Variants in NOS1AP observed in about 807,000 individuals in gnomAD.
NOS1AP encodes the protein carboxyl-terminal PDZ ligand of neuronal nitric oxide synthase protein.
A neutral mutation model predicts 56.2 loss-of-function variants in NOS1AP; 21 were observed. The observed-to-expected ratio is 0.37, with a 90% CI of 0.26 to 0.54. The LOEUF is 0.54. Ranked by LOEUF, NOS1AP falls within the 20% of genes least tolerant of loss-of-function variation. The probability of loss-of-function intolerance (pLI) is 0.84; values close to 1 mark genes in which losing one functional copy is unlikely to be tolerated. For synonymous variants in NOS1AP, 270 were observed against 274.6 expected (o/e 0.98, Z 0.17); for missense variants, 522 against 657.8 (o/e 0.79, Z 2.26).
At chr1:162,160,495 C>G (rs531460231) in intron 2 of NOS1AP, among the ~76,000 whole-genome samples, 1 of 152,190 alleles carries the variant, frequency 6.6e-6, no homozygotes, top group African/African-American at 2.4e-5. Flanking sequence ...ATGGAGGCAG[C>G]GACTGGAGTT....
At chr1:162,245,969 G>A (rs540908505) in intron 2 of NOS1AP, among the ~76,000 whole-genome samples, 29 of 152,276 alleles carry the variant, frequency 1.9e-4, no homozygotes, top group Non-Finnish European at 3.4e-4. Context: ...TAATACCAAC[G>A]TTAACACATT....
rs890793792 is a variant in NOS1AP at position 162,370,326 on chromosome 1, C to T, written c.*2859C>T. The stretch of plus-strand genomic sequence containing the variant: ...TGACTGCTTCCTCCTAACCCTCTAC[C>T]CACTAGCACTCTACTTCCTAAAGCT... On this transcript the variant is annotated 3_prime_UTR_variant, in exon 10 of 10. Transcript: ENST00000361897. 9.2e-5 allele frequency: 14 copies of T among 152,178 alleles called. No homozygotes were observed. The highest frequency in any genetic ancestry group is 3.4e-4 in the African/African-American group (14 of 41,418). 9.4% of individuals were successfully genotyped at this position (152,178 alleles called of 1,614,324 possible). A position where few individuals can be genotyped will look rare whatever the true frequency, so the allele number is the denominator to read the frequency against.
At chr1:162,345,629 C>T (rs1436040508) in intron 6 of NOS1AP, among the ~76,000 whole-genome samples, 1 of 152,124 alleles carries the variant, frequency 6.6e-6, no homozygotes, top group Non-Finnish European at 1.5e-5. Flanking sequence ...AAAAGAAATG[C>T]TAGTCTGCAA....
intron 1 of NOS1AP, 24 bp from the exon 2 acceptor site, chr1:162,154,381 T>G: frequency 2.5e-6 from 4 of 1,611,908 alleles, no homozygotes; most frequent in Non-Finnish European, 3.4e-6. Flanking sequence ...CTCCTCTCAA[T>G]GAGTGTTTGC....
chr1:162,282,681 A>G (rs1557862231), intron 2 of NOS1AP, among the ~76,000 whole-genome samples: 1 of 152,242 alleles, frequency 6.6e-6, no homozygotes, highest in Non-Finnish European at 1.5e-5. Flanking sequence ...GAGACTATAG[A>G]CAGAATATGA....
rs764354269 is a variant in NOS1AP at position 162,221,532 on chromosome 1, G to GCACACACA, written c.178-65811_178-65810insACACACAC. Among the ~76,000 whole-genome samples, 20 of 132,816 alleles carry GCACACACA rather than the reference G, an allele frequency of 1.5e-4. 1 individual carries two copies. The highest frequency in any genetic ancestry group is 6.5e-4 in the African/African-American group (20 of 30,550). 87.1% of individuals were successfully genotyped at this position (132,816 alleles called of 152,430 possible). On this transcript the variant is annotated intron_variant, in intron 2 of 9. Coordinates refer to ENST00000361897, the MANE Select transcript of NOS1AP (RefSeq NM_014697.3). ...GCAACACACACACGCACACACACGC[G>GCACACACA]CGCACACACACACACACACACACAC...
chr1:162,351,813 TTTC>T (rs1657506913), intron 6 of NOS1AP, among the ~76,000 whole-genome samples: 1 of 152,134 alleles, frequency 6.6e-6, no homozygotes. Context: ...CACTGTCTAT[TTTC>T]TTATTTTCTC....
chr1:162,116,398 A>G (rs1480665300), intron 1 of NOS1AP, among the ~76,000 whole-genome samples: 1 of 152,192 alleles, frequency 6.6e-6, no homozygotes, highest in Non-Finnish European at 1.5e-5. Context: ...TCCATCCCCC[A>G]GATGGTGACC....
chr1:162,179,566 C>T (rs925148269), intron 2 of NOS1AP, among the ~76,000 whole-genome samples: 1 of 152,122 alleles, frequency 6.6e-6, no homozygotes, highest in African/African-American at 2.4e-5. Flanking sequence ...AATGCTGCAG[C>T]GATTATGCAA....
At chr1:162,206,118 A>C (rs1239490358) in intron 2 of NOS1AP, among the ~76,000 whole-genome samples, 2 of 152,342 alleles carry the variant, frequency 1.3e-5, no homozygotes, top group Non-Finnish European at 2.9e-5. Context: ...AAAACTCAAA[A>C]GAACAGGGAA....
At chr1:162,312,813 A>T (rs2101769053) in intron 4 of NOS1AP, among the ~76,000 whole-genome samples, 1 of 152,094 alleles carries the variant, frequency 6.6e-6, no homozygotes, top group East Asian at 1.9e-4. Context: ...CTGGGATGCA[A>T]GGCTGGTTCA....
Position 162,273,160 on chromosome 1 carries a change from CTTTT to C in NOS1AP, c.178-14166_178-14163del, listed in dbSNP as rs11429407. Among the ~76,000 whole-genome samples the C allele has an allele frequency of 1.1e-4, 12 of 106,220 alleles. 1 individual carries two copies. Among genetic ancestry groups the C allele is most frequent in the Non-Finnish European group, 1.6e-4 (9 of 56,796 alleles). 69.7% of individuals were successfully genotyped at this position (106,220 alleles called of 152,430 possible). On this transcript the variant is annotated intron_variant, in intron 2 of 9. Coordinates refer to ENST00000361897, the MANE Select transcript of NOS1AP (RefSeq NM_014697.3). ...CAGGACAACTCTGGAAGCCCTTGTT[CTTTT>C]TTTTTTTTTTTTTTTTTGAGACGGA...
At chr1:162,300,812 C>T (rs1553203655) in intron 4 of NOS1AP, 106 bp downstream of exon 4, 1 of 912,668 alleles carries the variant, frequency 1.1e-6, no homozygotes. Flanking sequence ...AAATAAACTT[C>T]TATGCTTTTC....
chr1:162,292,040 T>C (rs1655297566), intron 3 of NOS1AP, among the ~76,000 whole-genome samples: 1 of 152,214 alleles, frequency 6.6e-6, no homozygotes. Context: ...CCAATAACTT[T>C]CTTGGGATCC....
At chr1:162,317,199 T>C (rs1194895065) in intron 4 of NOS1AP, 1 of 152,132 alleles carries the variant, frequency 6.6e-6, no homozygotes, top group Non-Finnish European at 1.5e-5. Flanking sequence ...CATCAGCACA[T>C]AATTAATTGT....
chr1:162,303,291 T>A (rs1163268634), intron 4 of NOS1AP, among the ~76,000 whole-genome samples: 1 of 152,254 alleles, frequency 6.6e-6, no homozygotes, highest in African/African-American at 2.4e-5. Flanking sequence ...TCTAAAGGGA[T>A]ACCACCAGTG....
intron 4 of NOS1AP, among the ~76,000 whole-genome samples, chr1:162,306,234 G>A (rs1046473627): frequency 6.6e-6 from 1 of 152,292 alleles, no homozygotes; most frequent in South Asian, 2.1e-4. Context: ...AAGGCTGTTG[G>A]CTCTTCATGG....
rs762793707 is a variant in NOS1AP at position 162,074,417 on chromosome 1, C to T, written c.105+4135C>T. Among the ~76,000 whole-genome samples, 5 of 152,230 alleles carry T rather than the reference C, an allele frequency of 3.3e-5. No homozygotes were observed. The South Asian group carries it at 6.2e-4, about 19-fold the overall frequency. On this transcript the variant is annotated intron_variant, in intron 1 of 9. Coordinates refer to ENST00000361897, the MANE Select transcript of NOS1AP (RefSeq NM_014697.3). ...TGCCTAGATTGTTCCCTTATATCTG[C>T]GTGTATGATACAGATGGTCAGAACT... is the stretch of plus-strand genomic sequence containing the variant.
intron 2 of NOS1AP, among the ~76,000 whole-genome samples, chr1:162,263,008 C>T (rs1263816175): frequency 6.6e-6 from 1 of 152,202 alleles, no homozygotes; most frequent in Admixed American, 6.5e-5. Flanking sequence ...CCACTCTCTC[C>T]AAACCCATTT....
Sources: allele counts gnomAD v4.1 joint callset (sites outside exome capture counted in the v4.1 genomes callset), GRCh38; gene constraint gnomAD v4.1.1; transcripts MANE v1.5; gene names NCBI Gene and HGNC (gene_info 2026-07-23, HGNC 2026-07-21).